The following BTRC variants were observed in gnomAD, a reference collection of about 807,000 sequenced individuals.
BTRC encodes beta-transducin repeat containing E3 ubiquitin protein ligase.
A neutral mutation model predicts 85.5 loss-of-function variants in BTRC; 42 were observed. The ratio of observed to expected loss-of-function variants is 0.49; its 90% confidence interval spans 0.38 to 0.64. The LOEUF (loss-of-function observed/expected upper bound fraction) is 0.64. Among genes scored for constraint, BTRC ranks in the 30% least tolerant of loss-of-function variants. BTRC has a pLI of 0.00. For missense variants in BTRC, 594 were observed against 743.5 expected, an observed-to-expected ratio of 0.80 and a Z score of 2.34; for synonymous variants, 255 against 263.3, an observed-to-expected ratio of 0.97 and a Z score of 0.30.
At chr10:101,499,698 T>G (rs1051030655) in intron 4 of BTRC, among the ~76,000 whole-genome samples, 1 of 151,590 alleles carries the variant, frequency 6.6e-6, no homozygotes, top group Non-Finnish European at 1.5e-5. Flanking sequence ...ATGTCTATTC[T>G]GATATCAGCC....
At chr10:101,459,761 C>T (rs1402778421) in intron 2 of BTRC, among the ~76,000 whole-genome samples, 1 of 152,020 alleles carries the variant, frequency 6.6e-6, no homozygotes, top group Non-Finnish European at 1.5e-5. Flanking sequence ...TTCATAATAC[C>T]CACCCAGTGG....
At chr10:101,496,599 A>T (rs1343493802) in intron 4 of BTRC, among the ~76,000 whole-genome samples, 4 of 152,094 alleles carry the variant, frequency 2.6e-5, no homozygotes, top group African/African-American at 9.7e-5. Context: ...ATAATAATAT[A>T]AAATTTACCA....
At chr10:101,482,325 TTTTTC>T (rs1450436161) in intron 4 of BTRC, among the ~76,000 whole-genome samples, 3 of 150,976 alleles carry the variant, frequency 2.0e-5, no homozygotes, top group Non-Finnish European at 4.4e-5. Context: ...CTGGCCAAGT[TTTTTC>T]TTTTTTATTT....
intron 6 of BTRC, 62 bp downstream of exon 6, chr10:101,526,261 A>G: frequency 6.7e-7 from 1 of 1,503,298 alleles, no homozygotes; most frequent in South Asian, 1.3e-5. Context: ...ACAGTCACTG[A>G]AAGATTTTTG....
chr10:101,370,152 CTT>C (rs1942591460), intron 1 of BTRC, among the ~76,000 whole-genome samples: 1 of 152,198 alleles, frequency 6.6e-6, no homozygotes. Flanking sequence ...AGGTCTCACT[CTT>C]TTGCCCAGGC....
At position 101,479,466 on chromosome 10, in the gene BTRC, T is replaced by G; in HGVS notation, c.324+9T>G. 1 of 1,604,172 alleles carries G rather than the reference T, an allele frequency of 6.2e-7. No homozygotes were observed. Among genetic ancestry groups the G allele is most frequent in the Non-Finnish European group, 8.5e-7 (1 of 1,171,394 alleles). ...AGAATTGTGTGGCCAAAGTAAGTAATATTGCTCATCAATGTATATTACACC... is the reference window on the plus strand; with the variant it reads ...AGAATTGTGTGGCCAAAGTAAGTAAGATTGCTCATCAATGTATATTACACC... On this transcript the variant is annotated intron_variant, in intron 4 of 14. Coordinates refer to ENST00000370187, the MANE Select transcript of BTRC (RefSeq NM_033637.4).
At chr10:101,479,243 TA>T in intron 3 of BTRC, 124 bp from the exon 4 acceptor site, 1 of 666,048 alleles carries the variant, frequency 1.5e-6, no homozygotes, top group Non-Finnish European at 2.4e-6. Flanking sequence ...TCAGTTCCCA[TA>T]AGTCTTAACT....
intron 1 of BTRC, among the ~76,000 whole-genome samples, chr10:101,416,114 CT>C (rs1404805466): frequency 6.6e-6 from 1 of 152,082 alleles, no homozygotes; most frequent in Non-Finnish European, 1.5e-5. Flanking sequence ...CTGTATTTGT[CT>C]TTTTGTGACT....
chr10:101,383,203 A>G (rs1228860809), intron 1 of BTRC, among the ~76,000 whole-genome samples: 1 of 151,558 alleles, frequency 6.6e-6, no homozygotes, highest in Non-Finnish European at 1.5e-5. Flanking sequence ...AGCTGGGACT[A>G]CAGGCGTGCA....
intron 1 of BTRC, among the ~76,000 whole-genome samples, chr10:101,395,392 G>A (rs1217574588): frequency 2.0e-5 from 3 of 152,056 alleles, no homozygotes; most frequent in African/African-American, 4.8e-5. Flanking sequence ...TGTAAGTAGT[G>A]TAACCCTCCC....
chr10:101,491,966 G>A (rs1194531972), intron 4 of BTRC, among the ~76,000 whole-genome samples: 1 of 151,742 alleles, frequency 6.6e-6, no homozygotes, highest in Admixed American at 6.6e-5. Context: ...TGTAGTTGTT[G>A]TTGTTTTTTT....
chr10:101,386,973 C>T (rs1447149586), intron 1 of BTRC, among the ~76,000 whole-genome samples: 3 of 152,032 alleles, frequency 2.0e-5, no homozygotes, highest in Admixed American at 1.3e-4. Context: ...GAAGGGATTC[C>T]GTTTCACTTT....
At chr10:101,404,698 G>C (rs1943576865) in intron 1 of BTRC, among the ~76,000 whole-genome samples, 2 of 151,922 alleles carry the variant, frequency 1.3e-5, no homozygotes, top group Admixed American at 1.3e-4. Flanking sequence ...TTGTAGTTCA[G>C]TTCTCAAAGT....
At chr10:101,468,889 T>C (rs1945449272) in intron 3 of BTRC, among the ~76,000 whole-genome samples, 1 of 152,228 alleles carries the variant, frequency 6.6e-6, no homozygotes. Context: ...TGATTAGCCA[T>C]TACTTTGTTA....
chr10:101,548,286 G>A (rs2062589662), intron 13 of BTRC, among the ~76,000 whole-genome samples: 1 of 152,208 alleles, frequency 6.6e-6, no homozygotes, highest in African/African-American at 2.4e-5. Context: ...AATGTTCCTA[G>A]CAGCTTTGTT....
chr10:101,408,992 T>C lies in BTRC; in HGVS notation c.49-21353T>C, dbSNP rs536124756. Among the ~76,000 whole-genome samples, 33 of 152,206 alleles carry C rather than the reference T, an allele frequency of 2.2e-4. 1 individual carries two copies. In the South Asian group the frequency reaches 6.8e-3, roughly 32 times the overall value. ...TGAACCGGGGAGACGGAGGTTGCAG[T>C]GAACCAAGATTGTGCCACTGCACTC... On this transcript the variant is annotated intron_variant, in intron 1 of 14. Transcript: ENST00000370187.
intron 1 of BTRC, among the ~76,000 whole-genome samples, chr10:101,386,428 C>CT (rs1564741352): frequency 6.6e-6 from 1 of 152,146 alleles, no homozygotes; most frequent in Non-Finnish European, 1.5e-5. Flanking sequence ...TCTTCATCCT[C>CT]TTAAGGTATC....
intron 2 of BTRC, among the ~76,000 whole-genome samples, chr10:101,431,722 TA>T (rs1944409446): frequency 6.6e-6 from 1 of 152,228 alleles, no homozygotes. Flanking sequence ...GAGGGGAACT[TA>T]GGTTTTCCAC....
At chr10:101,381,172 A>G (rs1400474883) in intron 1 of BTRC, among the ~76,000 whole-genome samples, 1 of 152,176 alleles carries the variant, frequency 6.6e-6, no homozygotes, top group African/African-American at 2.4e-5. Flanking sequence ...AGCTCAGTAT[A>G]TACCGTGCAG....
Sources: gnomAD v4.1 joint callset for allele counts (sites outside exome capture counted in the v4.1 genomes callset) on GRCh38, gnomAD v4.1.1 for gene constraint, MANE v1.5 for transcripts, NCBI Gene and HGNC (gene_info 2026-07-23, HGNC 2026-07-21) for gene names.